Variants in SCAPER observed in about 807,000 individuals in gnomAD.
SCAPER encodes S phase cyclin A-associated protein in the endoplasmic reticulum.
SCAPER carries 98 observed loss-of-function variants against 182.2 expected under a neutral mutation model. That is an observed-to-expected ratio of 0.54 (90% CI 0.46 to 0.64). The LOEUF (loss-of-function observed/expected upper bound fraction) is 0.64. Ranked by LOEUF, SCAPER falls within the 30% of genes least tolerant of loss-of-function variation. The pLI, the probability that SCAPER is intolerant of heterozygous loss-of-function variation, is 0.00. For missense variants in SCAPER, 1,432 were observed against 1,690.0 expected, an observed-to-expected ratio of 0.85 and a Z score of 2.68; for synonymous variants, 605 against 564.6, an observed-to-expected ratio of 1.07 and a Z score of -1.01.
At chr15:76,771,453 A>G (rs914910405) in intron 10 of SCAPER, among the ~76,000 whole-genome samples, 2 of 152,132 alleles carry the variant, frequency 1.3e-5, no homozygotes, top group Non-Finnish European at 2.9e-5. Context: ...CTTTATTGTT[A>G]CTAGTTTAGA....
chr15:76,609,982 G>T (rs557021372), intron 22 of SCAPER, among the ~76,000 whole-genome samples: 1 of 151,984 alleles, frequency 6.6e-6, no homozygotes, highest in Non-Finnish European at 1.5e-5. Flanking sequence ...AGAAGGTTAG[G>T]CTCTGGTGAA....
intron 5 of SCAPER, among the ~76,000 whole-genome samples, chr15:76,828,889 A>C (rs2068226491): frequency 6.6e-6 from 1 of 152,210 alleles, no homozygotes. Flanking sequence ...GACAAAACAG[A>C]ATTCACAGTG....
intron 20 of SCAPER, among the ~76,000 whole-genome samples, chr15:76,684,045 C>T (rs549859559): frequency 6.6e-6 from 1 of 152,190 alleles, no homozygotes; most frequent in South Asian, 2.1e-4. Flanking sequence ...ACAGACCTGC[C>T]TTATAAGAGG....
Position 76,703,008 on chromosome 15 carries a change from G to C in SCAPER, c.2248-6C>G, listed in dbSNP as rs750744004. On this transcript the variant is annotated splice_region_variant and splice_polypyrimidine_tract_variant and intron_variant, in intron 18 of 31. Transcript: ENST00000563290. Reference sequence around the variant, plus strand: ...CTTCGAATACTTTCATCATGCTGTAGATGAAGTCAAAGTGCAAGAATTTCA... The same window carrying C: ...CTTCGAATACTTTCATCATGCTGTACATGAAGTCAAAGTGCAAGAATTTCA... The C allele has an allele frequency of 1.3e-6, 2 of 1,531,772 alleles. No individual in the cohort carries two copies. Among genetic ancestry groups the C allele is most frequent in the African/African-American group, 1.4e-5 (1 of 70,090 alleles). The allele number at this position is 1,531,772 out of a possible 1,614,324, so 94.9% of individuals were successfully genotyped here.
intron 2 of SCAPER, among the ~76,000 whole-genome samples, chr15:76,877,121 G>A (rs1448952676): frequency 6.6e-6 from 1 of 151,830 alleles, no homozygotes; most frequent in Non-Finnish European, 1.5e-5. Context: ...TGAGGCAGGA[G>A]GCTGGCTTGA....
intron 27 of SCAPER, among the ~76,000 whole-genome samples, chr15:76,382,718 G>T (rs1243816772): frequency 6.6e-6 from 1 of 152,100 alleles, no homozygotes; most frequent in Non-Finnish European, 1.5e-5. Context: ...ACATTTCTCT[G>T]GCTGTTGAGC....
chr15:76,613,015 T>G (rs1282972280), intron 22 of SCAPER, among the ~76,000 whole-genome samples: 2 of 152,124 alleles, frequency 1.3e-5, no homozygotes, highest in Admixed American at 6.5e-5. Context: ...CTACCTGACT[T>G]CAAACTATAC....
At chr15:76,896,039 CAA>C (rs762065173) in intron 1 of SCAPER, among the ~76,000 whole-genome samples, 11 of 103,678 alleles carry the variant, frequency 1.1e-4, no homozygotes, top group Non-Finnish European at 1.2e-4. Flanking sequence ...GACTCTGTCT[CAA>C]AAAAAAAAAA....
intron 2 of SCAPER, among the ~76,000 whole-genome samples, chr15:76,872,769 T>A (rs2072817320): frequency 6.6e-6 from 1 of 151,382 alleles, no homozygotes; most frequent in Non-Finnish European, 1.5e-5. Flanking sequence ...AAAATATAAA[T>A]AAAAGAGTAT....
rs558461509 is a variant in SCAPER at position 76,506,505 on chromosome 15, T to A, written c.2839-1531A>T. Among the ~76,000 whole-genome samples the A allele has an allele frequency of 2.0e-5, 3 of 152,192 alleles. No homozygotes were observed. In the South Asian group the frequency reaches 6.2e-4, roughly 32 times the overall value. On this transcript the variant is annotated intron_variant, in intron 23 of 31. Coordinates refer to ENST00000563290, the MANE Select transcript of SCAPER (RefSeq NM_020843.4). Reference sequence around the variant, plus strand: ...ATAAGTACCTTGAAAGATAAAAGGTTCTCTATGAGAATAATGGGGGAATCA... The same window carrying A: ...ATAAGTACCTTGAAAGATAAAAGGTACTCTATGAGAATAATGGGGGAATCA...
chr15:76,403,764 A>G (rs781596947), intron 27 of SCAPER, among the ~76,000 whole-genome samples: 6 of 152,226 alleles, frequency 3.9e-5, no homozygotes, highest in Non-Finnish European at 8.8e-5. Context: ...CCTAAGGGAT[A>G]TGTCATATTC....
intron 14 of SCAPER, among the ~76,000 whole-genome samples, chr15:76,754,418 A>G (rs568792301): frequency 1.6e-4 from 24 of 152,218 alleles, no homozygotes; most frequent in African/African-American, 5.8e-4. Context: ...ATTTTATCCT[A>G]GAAACTGAAA....
chr15:76,409,011 T>C (rs1383299830), intron 26 of SCAPER, among the ~76,000 whole-genome samples: 1 of 152,130 alleles, frequency 6.6e-6, no homozygotes, highest in Non-Finnish European at 1.5e-5. Context: ...TTTCTGAGTA[T>C]CGTCTCCTAT....
intron 27 of SCAPER, among the ~76,000 whole-genome samples, chr15:76,404,013 C>T (rs150300751): frequency 7.2e-4 from 110 of 152,300 alleles, no homozygotes; most frequent in African/African-American, 2.5e-3. Context: ...CCATGGGTCA[C>T]GTGTGACTTC....
At chr15:76,423,595 A>G (rs2046208699) in intron 26 of SCAPER, among the ~76,000 whole-genome samples, 1 of 152,118 alleles carries the variant, frequency 6.6e-6, no homozygotes, top group Non-Finnish European at 1.5e-5. Context: ...GATTTTTTGA[A>G]GGGTTTTTTG....
At chr15:76,623,154 C>T (rs1411963719) in intron 21 of SCAPER, among the ~76,000 whole-genome samples, 1 of 152,056 alleles carries the variant, frequency 6.6e-6, no homozygotes, top group Non-Finnish European at 1.5e-5. Context: ...GATATTAAAC[C>T]TTTGGATGCA....
intron 14 of SCAPER, among the ~76,000 whole-genome samples, chr15:76,756,717 T>C (rs73443746): frequency 3.9e-5 from 6 of 152,232 alleles, no homozygotes; most frequent in Admixed American, 3.3e-4. Context: ...AGTACTCAGT[T>C]ATAAGAGTGA....
At chr15:76,645,434 C>A (rs1414331899) in intron 21 of SCAPER, among the ~76,000 whole-genome samples, 2 of 152,052 alleles carry the variant, frequency 1.3e-5, no homozygotes, top group African/African-American at 4.8e-5. Context: ...ATACAATGAA[C>A]AGTCATAGAC....
chr15:76,784,176 T>C (rs111406539), intron 8 of SCAPER, among the ~76,000 whole-genome samples: 23,354 of 152,152 alleles, frequency 0.15, 2,018 homozygotes, highest in African/African-American at 0.24. Flanking sequence ...GATAAGCAAC[T>C]TCAGCAAAGC....
Sources: allele counts gnomAD v4.1 joint callset (sites outside exome capture counted in the v4.1 genomes callset), GRCh38; gene constraint gnomAD v4.1.1; transcripts MANE v1.5; gene names NCBI Gene and HGNC (gene_info 2026-07-23, HGNC 2026-07-21).